The following GAS2L3 variants were observed in gnomAD, a reference collection of about 807,000 sequenced individuals.
GAS2L3 encodes GAS2-like protein 3.
A neutral mutation model predicts 37.0 loss-of-function variants in GAS2L3; 28 were observed. The ratio of observed to expected loss-of-function variants is 0.76; its 90% confidence interval spans 0.56 to 1.04. GAS2L3 has a LOEUF of 1.04. Ranked by LOEUF, GAS2L3 falls within the 50% of genes least tolerant of loss-of-function variation. The probability of loss-of-function intolerance (pLI) is 0.00; values close to 1 mark genes in which losing one functional copy is unlikely to be tolerated. For missense variants in GAS2L3, 793 were observed against 817.6 expected, an observed-to-expected ratio of 0.97 and a Z score of 0.37; for synonymous variants, 290 against 296.6, an observed-to-expected ratio of 0.98 and a Z score of 0.23.
intron 1 of GAS2L3, among the ~76,000 whole-genome samples, chr12:100,586,192 C>T (rs191382219): frequency 4.1e-4 from 63 of 152,246 alleles, no homozygotes; most frequent in African/African-American, 1.3e-3. Flanking sequence ...AACCAAGAAA[C>T]AATGGATTTA....
intron 8 of GAS2L3, among the ~76,000 whole-genome samples, chr12:100,619,236 A>G (rs1394284418): frequency 6.6e-6 from 1 of 151,852 alleles, no homozygotes; most frequent in East Asian, 1.9e-4. Context: ...GAATATATCC[A>G]AACTTGTTAG....
rs1208117217 is a variant in GAS2L3 at position 100,625,005 on chromosome 12, G to A, written c.*115G>A. The A allele has an allele frequency of 1.3e-5, 10 of 798,600 alleles. No individual in the cohort carries two copies. In the Admixed American group the frequency reaches 2.4e-4, roughly 19 times the overall value. The allele number at this position is 798,600 out of a possible 1,614,324, so 49.5% of individuals were successfully genotyped here. ...TAGGTGCAGACACTAAGGATAGTGA[G>A]GATGGAGGCTGGGATGAGGAAAGGG... is the stretch of plus-strand genomic sequence containing the variant. On this transcript the variant is annotated 3_prime_UTR_variant, in exon 10 of 10. Coordinates refer to ENST00000547754, the MANE Select transcript of GAS2L3 (RefSeq NM_174942.3).
chr12:100,576,884 G>A (rs35714), intron 1 of GAS2L3, among the ~76,000 whole-genome samples: 76,543 of 151,974 alleles, frequency 0.5, 19,711 homozygotes, highest in East Asian at 0.7. Context: ...GCATCCTAGA[G>A]TTTATAGTAT....
In GAS2L3 at chr12:100,624,571, A is replaced by G; in HGVS notation, c.1766A>G (p.Lys589Arg). Residue 589 changes from lysine (K) to arginine (R), a missense_variant, in exon 10 of 10, where the codon AAG (lysine) becomes AGG (arginine). Lys to Arg is a conservative substitution (Grantham distance 26). Transcript: ENST00000547754. ...AAGAATATAGTTTCAGCTACCAAAA[A>G]GCAGCCTCAGAATAAAAGTGCATTT... ...KDKNIVSATK[K>R]QPQNKSAFQK... 3 of 1,614,124 alleles carry G rather than the reference A, an allele frequency of 1.9e-6. No homozygotes were observed. Among genetic ancestry groups the G allele is most frequent in the African/African-American group, 1.3e-5 (1 of 75,052 alleles).
chr12:100,584,770 A>G (rs1233424777), intron 1 of GAS2L3, among the ~76,000 whole-genome samples: 2 of 151,612 alleles, frequency 1.3e-5, no homozygotes, highest in Admixed American at 6.6e-5. Flanking sequence ...ACAGGGTTTC[A>G]TCATGTTGGC....
Position 100,625,410 on chromosome 12 carries a change from C to T in GAS2L3, c.*520C>T, listed in dbSNP as rs1956322665. On this transcript the variant is annotated 3_prime_UTR_variant, in exon 10 of 10. Transcript: ENST00000547754. ...CTGATCCAACAGTGCTAAGTCATGG[C>T]TGCTGCTGACTAGCTTGGCATTATT... The T allele has an allele frequency of 6.6e-6, 1 of 151,564 alleles. No homozygotes were observed. Among genetic ancestry groups the T allele is most frequent in the Non-Finnish European group, 1.5e-5 (1 of 68,114 alleles). 9.4% of individuals were successfully genotyped at this position (151,564 alleles called of 1,614,324 possible). A position where few individuals can be genotyped will look rare whatever the true frequency, so the allele number is the denominator to read the frequency against.
chr12:100,594,939 G>A lies in GAS2L3; in HGVS notation c.18+17G>A. 8.3e-7 allele frequency: 1 copy of A among 1,204,792 alleles called. No individual in the cohort carries two copies. Among genetic ancestry groups the A allele is most frequent in the Non-Finnish European group, 1.2e-6 (1 of 863,262 alleles). The allele number at this position is 1,204,792 out of a possible 1,614,324, so 74.6% of individuals were successfully genotyped here. On this transcript the variant is annotated intron_variant, in intron 3 of 9. Coordinates refer to ENST00000547754, the MANE Select transcript of GAS2L3 (RefSeq NM_174942.3). Reference sequence around the variant, plus strand: ...GCAATTCAAGTAAGTTTTTTTCTTGGAAACAATATTTAAATTATGAGATTA... The same window carrying A: ...GCAATTCAAGTAAGTTTTTTTCTTGAAAACAATATTTAAATTATGAGATTA...
intron 2 of GAS2L3, chr12:100,592,269 AATGG>A (rs1404881449): frequency 6.6e-6 from 1 of 152,144 alleles, no homozygotes; most frequent in Non-Finnish European, 1.5e-5. Flanking sequence ...CTGAGGGCTG[AATGG>A]ATGGGTGACA....
Position 100,610,280 on chromosome 12 carries a change from G to A in GAS2L3, c.304-1720G>A, listed in dbSNP as rs181424150. Among the ~76,000 whole-genome samples, 100 of 152,282 alleles carry A rather than the reference G, an allele frequency of 6.6e-4. 1 individual carries two copies. Among genetic ancestry groups the A allele is most frequent in the South Asian group, 1.5e-3 (7 of 4,820 alleles). On this transcript the variant is annotated intron_variant, in intron 5 of 9. Coordinates refer to ENST00000547754, the MANE Select transcript of GAS2L3 (RefSeq NM_174942.3). The stretch of plus-strand genomic sequence containing the variant: ...AAAATTAATTATGGTAACCAGACAC[G>A]TTGGAATATTATACATTCATTGGAA...
At chr12:100,599,299 A>G (rs1955954036) in intron 3 of GAS2L3, among the ~76,000 whole-genome samples, 1 of 152,232 alleles carries the variant, frequency 6.6e-6, no homozygotes, top group African/African-American at 2.4e-5. Flanking sequence ...GAATAATCTT[A>G]CATTAAAGAA....
At chr12:100,620,869 C>G (rs962129540) in intron 8 of GAS2L3, among the ~76,000 whole-genome samples, 5 of 152,084 alleles carry the variant, frequency 3.3e-5, no homozygotes, top group Middle Eastern at 3.4e-3. Context: ...TCCCAGAGTT[C>G]AGTTTATTTT....
intron 5 of GAS2L3, among the ~76,000 whole-genome samples, chr12:100,606,818 CTTA>C (rs1956063214): frequency 1.3e-5 from 2 of 151,844 alleles, no homozygotes; most frequent in Admixed American, 6.6e-5. Flanking sequence ...TTCTTTATGT[CTTA>C]TTATACTGTC....
rs751523733 is a variant in GAS2L3 at position 100,600,368 on chromosome 12, T to TA, written c.19-14_19-13insA. ...GTTTTATTCATTCAGTTGATTGATT[T>TA]TTTTTTTCTTTAGGTATGGTTTGGA... On this transcript the variant is annotated splice_polypyrimidine_tract_variant and intron_variant, in intron 3 of 9. Coordinates refer to ENST00000547754, the MANE Select transcript of GAS2L3 (RefSeq NM_174942.3). 1.8e-5 allele frequency: 28 copies of TA among 1,541,214 alleles called. No homozygotes were observed. The highest frequency in any genetic ancestry group is 2.3e-5 in the Non-Finnish European group (26 of 1,142,344).
At chr12:100,585,521 T>C (rs1955769262) in intron 1 of GAS2L3, among the ~76,000 whole-genome samples, 1 of 152,154 alleles carries the variant, frequency 6.6e-6, no homozygotes, top group South Asian at 2.1e-4. Flanking sequence ...CCCAAAGTGC[T>C]GAGATTACAG....
At chr12:100,594,020 G>A (rs1955879851) in intron 2 of GAS2L3, 2 of 151,932 alleles carry the variant, frequency 1.3e-5, no homozygotes, top group South Asian at 2.1e-4. Context: ...ATATAACTTA[G>A]AGGAAAAAAT....
chr12:100,594,103 A>G (rs1206239172), intron 2 of GAS2L3: 1 of 152,004 alleles, frequency 6.6e-6, no homozygotes, highest in Non-Finnish European at 1.5e-5. Context: ...TATTTTAAAG[A>G]TGGTTTATAA....
intron 5 of GAS2L3, among the ~76,000 whole-genome samples, chr12:100,610,757 A>T (rs2136520371): frequency 6.6e-6 from 1 of 152,268 alleles, no homozygotes; most frequent in East Asian, 1.9e-4. Flanking sequence ...GTAAAAATTT[A>T]AACCAAACCA....
At chr12:100,582,685 G>A (rs1019174252) in intron 1 of GAS2L3, among the ~76,000 whole-genome samples, 6 of 152,198 alleles carry the variant, frequency 3.9e-5, no homozygotes, top group African/African-American at 1.2e-4. Flanking sequence ...AAAACCCAGA[G>A]TGTATTAGCT....
Position 100,624,494 on chromosome 12 carries a change from A to G in GAS2L3, c.1689A>G (p.Pro563=). 1 of 1,614,136 alleles carries G rather than the reference A, an allele frequency of 6.2e-7. No homozygotes were observed. Among genetic ancestry groups the G allele is most frequent in the Non-Finnish European group, 8.5e-7 (1 of 1,180,022 alleles). The change falls in exon 10 of 10, where the codon CCA becomes CCG. Residue 563 remains proline, a synonymous_variant. Transcript: ENST00000547754. ...AATCGGCCTTGAATTTAAATCAGCC[A>G]GTTTCTGTGTCCTCAGTTTCTCCTG... ...KLKSALNLNQ[P]VSVSSVSPVK... is the part of the protein sequence containing the mutation.
Sources: allele counts gnomAD v4.1 joint callset (sites outside exome capture counted in the v4.1 genomes callset), GRCh38; gene constraint gnomAD v4.1.1; transcripts MANE v1.5; gene names NCBI Gene and HGNC (gene_info 2026-07-23, HGNC 2026-07-21).